IFT43: variants seen among roughly 807,000 people sequenced by gnomAD.
IFT43 encodes the protein intraflagellar transport protein 43 homolog.
Under a neutral mutation model 32.3 loss-of-function variants are expected in IFT43, and 33 were observed. The observed-to-expected ratio is 1.02, with a 90% CI of 0.77 to 1.37. The LOEUF is 1.37. Ranked by LOEUF, IFT43 falls within the 40% of genes most tolerant of loss-of-function variation. The pLI is 0.00. For missense variants in IFT43, 274 were observed against 265.9 expected, an observed-to-expected ratio of 1.03 and a Z score of -0.21; for synonymous variants, 93 against 98.2, an observed-to-expected ratio of 0.95 and a Z score of 0.31.
intron 3 of IFT43, among the ~76,000 whole-genome samples, chr14:76,050,370 A>T (rs2036890669): frequency 6.6e-6 from 1 of 151,922 alleles, no homozygotes; most frequent in African/African-American, 2.4e-5. Flanking sequence ...CTAGCAGCTG[A>T]CAGTTTGGAT....
intron 5 of IFT43, among the ~76,000 whole-genome samples, chr14:76,061,048 C>T (rs946484378): frequency 2.0e-5 from 3 of 152,036 alleles, no homozygotes; most frequent in Non-Finnish European, 4.4e-5. Context: ...ACTACAGTCA[C>T]ATGCCACCAC....
rs367699534 is a variant in IFT43 at position 75,993,097 on chromosome 14, C to T, written c.147+4120C>T. ...ATAACCCTTAACTTAGTCTGACACA[C>T]ACATGCTCAGTATGTTGCCAACCAT... is the stretch of plus-strand genomic sequence containing the variant. On this transcript the variant is annotated intron_variant, in intron 2 of 8. Coordinates refer to ENST00000314067, the MANE Select transcript of IFT43 (RefSeq NM_001102564.3). Among the ~76,000 whole-genome samples the T allele has an allele frequency of 1.1e-4, 16 of 152,294 alleles. No individual in the cohort carries two copies. In the South Asian group the frequency reaches 3.3e-3, roughly 32 times the overall value.
intron 3 of IFT43, among the ~76,000 whole-genome samples, chr14:76,057,737 C>T (rs373158783): frequency 6.6e-6 from 1 of 152,130 alleles, no homozygotes; most frequent in Non-Finnish European, 1.5e-5. Context: ...TTTGCTCTTG[C>T]TCATCATGGT....
chr14:76,039,418 C>T (rs2036665152), intron 3 of IFT43, among the ~76,000 whole-genome samples: 1 of 152,166 alleles, frequency 6.6e-6, no homozygotes, highest in South Asian at 2.1e-4. Flanking sequence ...CTTGGTCTCC[C>T]AAAAGTGCTG....
chr14:76,071,623 TC>T (rs1306178596), intron 5 of IFT43, among the ~76,000 whole-genome samples: 2 of 152,162 alleles, frequency 1.3e-5, no homozygotes, highest in Admixed American at 1.3e-4. Flanking sequence ...CTTTACTTCC[TC>T]CATACAGGTA....
chr14:76,069,912 T>G, intron 5 of IFT43, among the ~76,000 whole-genome samples: 1 of 152,134 alleles, frequency 6.6e-6, no homozygotes, highest in Non-Finnish European at 1.5e-5. Flanking sequence ...AGGTCCAGTT[T>G]TGGCAGAATT....
intron 3 of IFT43, among the ~76,000 whole-genome samples, chr14:76,036,372 C>T (rs1434800125): frequency 7.0e-6 from 1 of 143,178 alleles, no homozygotes; most frequent in Non-Finnish European, 1.5e-5. Flanking sequence ...TTTGTTCGTT[C>T]GTTTGTTCTT....
intron 2 of IFT43, among the ~76,000 whole-genome samples, chr14:76,006,972 A>T (rs1486477980): frequency 6.6e-6 from 1 of 150,786 alleles, no homozygotes; most frequent in Admixed American, 6.6e-5. Context: ...ATCCTCCTAG[A>T]TCAGCCTCCT....
At position 76,022,609 on chromosome 14, in the gene IFT43, C is replaced by T. The variant is rs61528125; in HGVS notation, c.215+215C>T. On this transcript the variant is annotated intron_variant, in intron 3 of 8. Transcript: ENST00000314067. ...ATCAATTTTACAACATTTTCATCAC[C>T]TCCCCACCAAAAGAAACCCTGTATC... 20,589 of 399,328 alleles carry T rather than the reference C, an allele frequency of 0.052. 1,290 individuals carry two copies. Among genetic ancestry groups the T allele is most frequent in the African/African-American group, 0.19 (9,006 of 47,806 alleles). 24.7% of individuals were successfully genotyped at this position (399,328 alleles called of 1,614,324 possible). A position where few individuals can be genotyped will look rare whatever the true frequency, so the allele number is the denominator to read the frequency against.
At chr14:76,005,958 C>T (rs542554287) in intron 2 of IFT43, among the ~76,000 whole-genome samples, 64 of 151,902 alleles carry the variant, frequency 4.2e-4, no homozygotes, top group African/African-American at 1.4e-3. Context: ...TTTCAACATA[C>T]ACTTTTTTTT....
At chr14:75,987,105 AAAAC>A (rs2035544373) in intron 1 of IFT43, among the ~76,000 whole-genome samples, 1 of 152,234 alleles carries the variant, frequency 6.6e-6, no homozygotes. Flanking sequence ...CAAAAAGTTT[AAAAC>A]CTTGAAATAC....
chr14:75,999,994 C>T (rs1455895193), intron 2 of IFT43, among the ~76,000 whole-genome samples: 6 of 152,172 alleles, frequency 3.9e-5, no homozygotes, highest in Non-Finnish European at 5.9e-5. Context: ...GCAGGGAGAT[C>T]GCTGGGAGGC....
intron 3 of IFT43, among the ~76,000 whole-genome samples, chr14:76,050,447 G>A (rs2036892329): frequency 6.6e-6 from 1 of 152,058 alleles, no homozygotes; most frequent in Non-Finnish European, 1.5e-5. Flanking sequence ...TGTGGTGGGA[G>A]TGTTTGGATG....
chr14:76,025,698 G>T (rs1052943274), intron 3 of IFT43, among the ~76,000 whole-genome samples: 1 of 152,060 alleles, frequency 6.6e-6, no homozygotes, highest in South Asian at 2.1e-4. Context: ...AGCAATGGGG[G>T]AAGGATTCCT....
At chr14:75,995,294 G>T (rs2035722695) in intron 2 of IFT43, among the ~76,000 whole-genome samples, 1 of 152,176 alleles carries the variant, frequency 6.6e-6, no homozygotes, top group Non-Finnish European at 1.5e-5. Context: ...CAGTAGAGAA[G>T]AGGATTTTGG....
At chr14:75,988,843 A>G (rs1407577979) in intron 1 of IFT43, 42 bp from the exon 2 acceptor site, 1 of 1,613,000 alleles carries the variant, frequency 6.2e-7, no homozygotes, top group Non-Finnish European at 8.5e-7. Context: ...TAGTGGCCCA[A>G]ATGACATTTG....
chr14:76,060,939 C>A (rs549554998), intron 5 of IFT43, among the ~76,000 whole-genome samples: 1 of 150,972 alleles, frequency 6.6e-6, no homozygotes, highest in East Asian at 2.0e-4. Flanking sequence ...CTCACTCCAT[C>A]GTCCAGGCTG....
At chr14:76,047,698 C>T (rs1053556584) in intron 3 of IFT43, among the ~76,000 whole-genome samples, 3 of 151,348 alleles carry the variant, frequency 2.0e-5, no homozygotes, top group East Asian at 1.9e-4. Context: ...CCTGCCTGCC[C>T]GCCTGCCTTC....
At chr14:76,040,283 C>CCAAAATTTCCTGTCTCAGTAAAAGTAAT (rs2036682770) in intron 3 of IFT43, among the ~76,000 whole-genome samples, 1 of 152,106 alleles carries the variant, frequency 6.6e-6, no homozygotes, top group Non-Finnish European at 1.5e-5. Flanking sequence ...ACAGAGTACT[C>CCAAAATTTCCTGTCTCAGTAAAAGTAAT]CAAAATTTCC....
Sources: allele counts gnomAD v4.1 joint callset (sites outside exome capture counted in the v4.1 genomes callset), GRCh38; gene constraint gnomAD v4.1.1; transcripts MANE v1.5; gene names NCBI Gene and HGNC (gene_info 2026-07-23, HGNC 2026-07-21).